MINDY2: variants seen among roughly 807,000 people sequenced by gnomAD.
The protein encoded by MINDY2 is MINDY lysine 48 deubiquitinase 2, also known as ubiquitin carboxyl-terminal hydrolase MINDY-2.
A neutral mutation model predicts 68.2 loss-of-function variants in MINDY2; 52 were observed. The observed-to-expected ratio is 0.76, with a 90% CI of 0.61 to 0.96. The LOEUF is 0.96. Ranked by LOEUF, MINDY2 falls within the 40% of genes least tolerant of loss-of-function variation. The probability of loss-of-function intolerance (pLI) is 0.00; values close to 1 mark genes in which losing one functional copy is unlikely to be tolerated. For synonymous variants in MINDY2, 372 were observed against 303.0 expected (o/e 1.23, Z -2.36); for missense variants, 881 against 773.4 (o/e 1.14, Z -1.65).
intron 3 of MINDY2, among the ~76,000 whole-genome samples, chr15:58,804,898 CAGG>C (rs1427108269): frequency 6.6e-6 from 1 of 151,978 alleles, no homozygotes; most frequent in East Asian, 1.9e-4. Flanking sequence ...GAGACTGAGG[CAGG>C]AGGATTACTT....
At chr15:58,808,227 T>C (rs950582792) in intron 3 of MINDY2, among the ~76,000 whole-genome samples, 1 of 152,216 alleles carries the variant, frequency 6.6e-6, no homozygotes, top group Non-Finnish European at 1.5e-5. Flanking sequence ...CACATCATTA[T>C]CACCCAGAGT....
chr15:58,846,938 ATGGTATCATTTTT>A (rs1390465075), intron 6 of MINDY2, among the ~76,000 whole-genome samples: 21 of 152,128 alleles, frequency 1.4e-4, no homozygotes, highest in African/African-American at 5.1e-4. Flanking sequence ...AACAGGCAAC[ATGGTATCATTTTT>A]TGTGACTGTA....
At chr15:58,793,671 A>G (rs1271326036) in intron 2 of MINDY2, among the ~76,000 whole-genome samples, 4 of 152,164 alleles carry the variant, frequency 2.6e-5, no homozygotes, top group African/African-American at 7.2e-5. Flanking sequence ...TTAGCCTTAG[A>G]TAGTTCATCC....
intron 7 of MINDY2, among the ~76,000 whole-genome samples, chr15:58,847,846 G>C (rs556693646): frequency 2.6e-4 from 39 of 152,360 alleles, no homozygotes; most frequent in African/African-American, 5.5e-4. Flanking sequence ...AGCAAGAGCT[G>C]ATGATGGCTT....
chr15:58,793,630 C>G lies in MINDY2; in HGVS notation c.898+5667C>G, dbSNP rs1902081934. Among the ~76,000 whole-genome samples the G allele has an allele frequency of 2.0e-5, 3 of 152,016 alleles. No homozygotes were observed. The South Asian group carries it at 6.2e-4, about 31-fold the overall frequency. On this transcript the variant is annotated intron_variant, in intron 2 of 8. Transcript: ENST00000559228. Reference sequence around the variant, plus strand: ...AAAAGAGAAAACTAGAGAAAGGGAACTGCAAAAAATACTTTATACAAATAG... The same window carrying G: ...AAAAGAGAAAACTAGAGAAAGGGAAGTGCAAAAAATACTTTATACAAATAG...
rs1271640025 is a variant in MINDY2, at chr15:58,856,019, T to C, written c.*1409T>C. 1 of 152,676 alleles carries C rather than the reference T, an allele frequency of 6.5e-6. No homozygotes were observed. Among genetic ancestry groups the C allele is most frequent in the African/African-American group, 2.4e-5 (1 of 41,462 alleles). The allele number at this position is 152,676 out of a possible 1,614,324, so 9.5% of individuals were successfully genotyped here. A position where few individuals can be genotyped will look rare whatever the true frequency, so the allele number is the denominator to read the frequency against. ...TAAAACTATAACCTCATAGTGTTTA[T>C]AAGAACTCAGAAATAATATTTATTT... On this transcript the variant is annotated 3_prime_UTR_variant, in exon 9 of 9. Transcript: ENST00000559228.
intron 8 of MINDY2, among the ~76,000 whole-genome samples, chr15:58,853,503 CAG>C (rs1390984461): frequency 3.3e-5 from 5 of 152,044 alleles, no homozygotes; most frequent in Non-Finnish European, 7.4e-5. Flanking sequence ...TCCCAATTCT[CAG>C]GGGTTCTTTT....
At chr15:58,796,503 A>G (rs1026496446) in intron 2 of MINDY2, among the ~76,000 whole-genome samples, 3 of 152,212 alleles carry the variant, frequency 2.0e-5, no homozygotes, top group Admixed American at 6.5e-5. Context: ...TAAATGGGAT[A>G]ATAACAAGTT....
chr15:58,858,556 A>G lies in MINDY2; in HGVS notation c.*3946A>G, dbSNP rs1399622340. On this transcript the variant is annotated 3_prime_UTR_variant, in exon 9 of 9. Coordinates refer to ENST00000559228, the MANE Select transcript of MINDY2 (RefSeq NM_001040450.3). Reference sequence around the variant, plus strand: ...ATATATTAATGTTCACATGTGAACTACATATCTAAAATCTTGGAGAAAAAT... The same window carrying G: ...ATATATTAATGTTCACATGTGAACTGCATATCTAAAATCTTGGAGAAAAAT... The G allele has an allele frequency of 2.6e-5, 4 of 152,200 alleles. No homozygotes were observed. The highest frequency in any genetic ancestry group is 4.4e-5 in the Non-Finnish European group (3 of 67,996). 9.4% of individuals were successfully genotyped at this position (152,200 alleles called of 1,614,324 possible).
At chr15:58,818,651 AT>A (rs202083877) in intron 4 of MINDY2, among the ~76,000 whole-genome samples, 10,861 of 131,472 alleles carry the variant, frequency 0.083, 500 homozygotes, top group East Asian at 0.25. Flanking sequence ...TTGTATATTG[AT>A]TTTTTTTTTT....
chr15:58,852,330 C>T (rs1259467333), intron 8 of MINDY2, among the ~76,000 whole-genome samples: 1 of 138,280 alleles, frequency 7.2e-6, no homozygotes, highest in African/African-American at 2.7e-5. Context: ...CAGTAAATTT[C>T]GCTTGAGATA....
chr15:58,801,684 G>T (rs1902671137), intron 2 of MINDY2, among the ~76,000 whole-genome samples: 1 of 152,108 alleles, frequency 6.6e-6, no homozygotes, highest in Non-Finnish European at 1.5e-5. Context: ...TTGTTGCCCA[G>T]GCTGGAGTGC....
At chr15:58,853,291 G>A (rs983839370) in intron 8 of MINDY2, among the ~76,000 whole-genome samples, 27 of 152,050 alleles carry the variant, frequency 1.8e-4, no homozygotes, top group African/African-American at 5.3e-4. Flanking sequence ...AAGAAATTCT[G>A]ATTTGGGCAT....
chr15:58,791,666 G>GTGTGTA (rs1555428869), intron 2 of MINDY2, among the ~76,000 whole-genome samples: 9 of 140,150 alleles, frequency 6.4e-5, no homozygotes, highest in African/African-American at 2.1e-4. Flanking sequence ...GTGTGTATGT[G>GTGTGTA]TGTGTGTGTA....
chr15:58,819,187 G>A (rs534600726), intron 4 of MINDY2, among the ~76,000 whole-genome samples: 40 of 152,262 alleles, frequency 2.6e-4, no homozygotes, highest in African/African-American at 8.4e-4. Flanking sequence ...GGTGGCTAAC[G>A]CCTGTGATCC....
Position 58,772,162 on chromosome 15 carries a change from C to G in MINDY2, c.767C>G (p.Pro256Arg). Reference protein sequence around the residue: ...KWIQWKEENTPIITQNENGPC... With the variant: ...KWIQWKEENTRIITQNENGPC... Reference sequence around the variant, plus strand: ...ATCCAGTGGAAGGAAGAGAACACACCCATCATCACCCAGAATGAGAACGGA... The same window carrying G: ...ATCCAGTGGAAGGAAGAGAACACACGCATCATCACCCAGAATGAGAACGGA... The change falls in exon 1 of 9, where the codon CCC (proline) becomes CGC (arginine). Residue 256 changes from proline to arginine, a missense_variant. Transcript: ENST00000559228. The G allele has an allele frequency of 6.2e-7, 1 of 1,614,032 alleles. No individual in the cohort carries two copies. Among genetic ancestry groups the G allele is most frequent in the Non-Finnish European group, 8.5e-7 (1 of 1,180,030 alleles).
intron 2 of MINDY2, among the ~76,000 whole-genome samples, chr15:58,791,813 G>T (rs1361111345): frequency 2.6e-5 from 4 of 151,944 alleles, no homozygotes; most frequent in African/African-American, 9.7e-5. Flanking sequence ...TATATAAACA[G>T]TAGTTAGATT....
At chr15:58,814,615 A>ATGATCCT (rs71297612) in intron 4 of MINDY2, among the ~76,000 whole-genome samples, 46,660 of 150,520 alleles carry the variant, frequency 0.31, 8,184 homozygotes, top group East Asian at 0.61. Context: ...CTGGGCTCAA[A>ATGATCCT]CCCTCCTCAG....
In MINDY2 at chr15:58,854,726, G is replaced by A. The variant is rs1388934833; in HGVS notation, c.*116G>A. 6 of 1,245,074 alleles carry A rather than the reference G, an allele frequency of 4.8e-6. No homozygotes were observed. The highest frequency in any genetic ancestry group is 3.0e-5 in the African/African-American group (2 of 66,496). The allele number at this position is 1,245,074 out of a possible 1,614,324, so 77.1% of individuals were successfully genotyped here. A position where few individuals can be genotyped will look rare whatever the true frequency, so the allele number is the denominator to read the frequency against. Reference sequence around the variant, plus strand: ...CCTGATTTCCTAATGGATTTTGTTCGTTTTTTCAGGGGAACGGTTGTTACT... The same window carrying A: ...CCTGATTTCCTAATGGATTTTGTTCATTTTTTCAGGGGAACGGTTGTTACT... On this transcript the variant is annotated 3_prime_UTR_variant, in exon 9 of 9. Transcript: ENST00000559228.
Sources: gnomAD v4.1 joint callset for allele counts (sites outside exome capture counted in the v4.1 genomes callset) on GRCh38, gnomAD v4.1.1 for gene constraint, MANE v1.5 for transcripts, NCBI Gene and HGNC (gene_info 2026-07-23, HGNC 2026-07-21) for gene names.